Variants in ASPM observed in about 807,000 individuals in gnomAD.
The protein encoded by ASPM is assembly factor for spindle microtubules.
In ASPM, 256 loss-of-function variants were observed where a neutral mutation model predicts 366.4. The observed-to-expected ratio is 0.70, with a 90% CI of 0.63 to 0.77. ASPM has a LOEUF of 0.77. Ranked by LOEUF, ASPM falls within the 30% of genes least tolerant of loss-of-function variation. ASPM has a pLI of 0.00. For missense variants in ASPM, 4,146 were observed against 4,090.4 expected, an observed-to-expected ratio of 1.01 and a Z score of -0.37; for synonymous variants, 1,414 against 1,342.9, an observed-to-expected ratio of 1.05 and a Z score of -1.16.
intron 5 of ASPM, 134 bp from the exon 6 acceptor site, chr1:197,133,729 G>T: frequency 9.7e-7 from 1 of 1,033,122 alleles, no homozygotes; most frequent in Non-Finnish European, 1.4e-6. Context: ...TACTCCTTAG[G>T]CCAATCTATC....
chr1:197,117,753 T>G (rs1217491952), intron 17 of ASPM, 36 bp downstream of exon 17: 2 of 1,562,392 alleles, frequency 1.3e-6, no homozygotes, highest in Non-Finnish European at 1.7e-6. Flanking sequence ...GTCATTAAAA[T>G]TTTTTAAATT....
chr1:197,144,160 CT>C, intron 1 of ASPM, 60 bp from the exon 2 acceptor site: 2 of 1,206,344 alleles, frequency 1.7e-6, no homozygotes, highest in Non-Finnish European at 2.4e-6. Context: ...ACCAAAACAC[CT>C]TATATACAAC....
Position 197,124,967 on chromosome 1 carries a change from A to G in ASPM, c.3083-12T>C. Reference sequence around the variant, plus strand: ...TAGAATTGTATTTCCTATAAAAGAAAAGGTTGTCCATTAGCATAATGTACG... The same window carrying G: ...TAGAATTGTATTTCCTATAAAAGAAGAGGTTGTCCATTAGCATAATGTACG... On this transcript the variant is annotated splice_polypyrimidine_tract_variant and intron_variant, in intron 11 of 27. Coordinates refer to ENST00000367409, the MANE Select transcript of ASPM (RefSeq NM_018136.5). The G allele has an allele frequency of 5.0e-6, 8 of 1,608,632 alleles. No homozygotes were observed. The highest frequency in any genetic ancestry group is 6.8e-6 in the Non-Finnish European group (8 of 1,174,972).
intron 4 of ASPM, among the ~76,000 whole-genome samples, chr1:197,136,257 A>C (rs1354819782): frequency 1.3e-5 from 2 of 152,230 alleles, no homozygotes; most frequent in Admixed American, 6.5e-5. Context: ...CTTCAGGTTG[A>C]AATAAATGAA....
At position 197,103,975 on chromosome 1, in the gene ASPM, T is replaced by A; in HGVS notation, c.5276A>T (p.Gln1759Leu). The A allele has an allele frequency of 6.2e-7, 1 of 1,612,488 alleles. No individual in the cohort carries two copies. The highest frequency in any genetic ancestry group is 8.5e-7 in the Non-Finnish European group (1 of 1,179,344). ...RLQRKAVISL[Q>L]SYFRMRKARQ... Reference sequence around the variant, plus strand: ...AGCCTTTCTCATTCTGAAATAAGACTGTAGTGAAATAACAGCTTTTCTTTG... The same window carrying A: ...AGCCTTTCTCATTCTGAAATAAGACAGTAGTGAAATAACAGCTTTTCTTTG... The change falls in exon 18 of 28, where the codon CAG (glutamine) becomes CTG (leucine). Residue 1759 changes from glutamine to leucine, a missense_variant. Physicochemically the swap from Gln to Leu is moderately radical, Grantham distance 113 (BLOSUM62 -2). Transcript: ENST00000367409.
chr1:197,144,968 T>G (rs531979821), intron 1 of ASPM, among the ~76,000 whole-genome samples: 1 of 151,992 alleles, frequency 6.6e-6, no homozygotes, highest in Non-Finnish European at 1.5e-5. Context: ...AGTTCCACAT[T>G]ATAACAAAAA....
intron 22 of ASPM, 111 bp from the exon 23 acceptor site, chr1:197,091,152 A>T: frequency 3.0e-6 from 3 of 1,005,978 alleles, no homozygotes; most frequent in Non-Finnish European, 2.9e-6. Context: ...ATATCAAGAA[A>T]TCTTTCAGCT....
At position 197,104,763 on chromosome 1, in the gene ASPM, T is replaced by C. The variant is rs141695023; in HGVS notation, c.4488A>G (p.Lys1496=). ...TTTGGGCTTGAAAGCACCGAAATCT[T>C]TTCTGAATGATAACAACACAAGATC... ...YIRSCVVIIQ[K]RFRCFQAQKL... is the part of the protein sequence containing the mutation. The change falls in exon 18 of 28, where the codon AAA becomes AAG. Residue 1496 remains lysine (K), a synonymous_variant. Transcript: ENST00000367409. 32 of 1,599,180 alleles carry C rather than the reference T, an allele frequency of 2.0e-5. No homozygotes were observed. In the Middle Eastern group the frequency reaches 8.4e-4, roughly 42 times the overall value.
rs1487820382 is a variant in ASPM, at chr1:197,094,120, A to C, written c.9048T>G (p.Pro3016=). 1 of 1,606,234 alleles carries C rather than the reference A, an allele frequency of 6.2e-7. No homozygotes were observed. Residue 3016 remains proline, a synonymous_variant, in exon 20 of 28, where the codon CCT becomes CCG. Coordinates refer to ENST00000367409, the MANE Select transcript of ASPM (RefSeq NM_018136.5). ...IIQRKWRAIL[P]AKIAHEHFLM... is the part of the protein sequence containing the mutation. ...AGAAGTGTTCATGAGCTATCTTTGCAGGAAGTATAGCTCTCCATTTTCTCT... is the reference window on the plus strand; with the variant it reads ...AGAAGTGTTCATGAGCTATCTTTGCCGGAAGTATAGCTCTCCATTTTCTCT...
chr1:197,121,820 T>G, intron 16 of ASPM, 95 bp downstream of exon 16: 1 of 1,418,878 alleles, frequency 7.0e-7, no homozygotes, highest in Non-Finnish European at 9.9e-7. Context: ...AATAATGCCA[T>G]ACATCCATAA....
At chr1:197,126,085 C>T (rs572258124) in intron 10 of ASPM, among the ~76,000 whole-genome samples, 1 of 152,122 alleles carries the variant, frequency 6.6e-6, no homozygotes, top group South Asian at 2.1e-4. Flanking sequence ...AATTCCTAAC[C>T]GACTAAATAA....
intron 17 of ASPM, among the ~76,000 whole-genome samples, chr1:197,117,278 T>G (rs894535352): frequency 6.6e-6 from 1 of 151,906 alleles, no homozygotes; most frequent in African/African-American, 2.4e-5. Context: ...AAAAACTAAT[T>G]TACATAGATG....
intron 7 of ASPM, among the ~76,000 whole-genome samples, chr1:197,130,608 C>A (rs1180754488): frequency 6.6e-6 from 1 of 152,002 alleles, no homozygotes; most frequent in East Asian, 1.9e-4. Context: ...TTCTGCAACC[C>A]TACATTGACA....
At chr1:197,140,398 A>G (rs1029701561) in intron 3 of ASPM, among the ~76,000 whole-genome samples, 1 of 152,250 alleles carries the variant, frequency 6.6e-6, no homozygotes, top group Non-Finnish European at 1.5e-5. Context: ...GAGGAGTTCA[A>G]TAATATTCAA....
In ASPM at chr1:197,101,020, G is replaced by T. The variant is rs775277843; in HGVS notation, c.8231C>A (p.Thr2744Asn). The T allele has an allele frequency of 3.1e-6, 5 of 1,612,080 alleles. No individual in the cohort carries two copies. The highest frequency in any genetic ancestry group is 1.3e-5 in the African/African-American group (1 of 74,774). Residue 2744 changes from threonine (T) to asparagine (N), a missense_variant, in exon 18 of 28, where the codon ACT becomes AAT. Physicochemically the swap from Thr to Asn is moderately conservative, Grantham distance 65. Transcript: ENST00000367409. ...NFLAVQKSVRTIQAAFRGMKV... is the reference protein window; with the variant it reads ...NFLAVQKSVRNIQAAFRGMKV... Reference sequence around the variant, plus strand: ...CATGCCTCTAAAAGCAGCCTGAATAGTTCGTACAGATTTCTGAACTGCTAA... The same window carrying T: ...CATGCCTCTAAAAGCAGCCTGAATATTTCGTACAGATTTCTGAACTGCTAA...
chr1:197,118,296 T>A (rs1489841740), intron 16 of ASPM, among the ~76,000 whole-genome samples: 1 of 152,130 alleles, frequency 6.6e-6, no homozygotes, highest in Non-Finnish European at 1.5e-5. Context: ...TAATGTGGTA[T>A]GTTTCTCAGA....
At position 197,146,216 on chromosome 1, in the gene ASPM, C is replaced by G. The variant is rs1397145928; in HGVS notation, c.222G>C (p.Val74=). 1 of 1,613,974 alleles carries G rather than the reference C, an allele frequency of 6.2e-7. No homozygotes were observed. Among genetic ancestry groups the G allele is most frequent in the Non-Finnish European group, 8.5e-7 (1 of 1,180,028 alleles). Residue 74 remains valine (V), a synonymous_variant, in exon 1 of 28, where the codon GTG becomes GTC. Transcript: ENST00000367409. The part of the protein sequence containing the change: ...SLALDNPNEE[V]AEVKISHFPA... ...GGAAGTGGGAGATCTTCACTTCTGC[C>G]ACCTCCTCGTTAGGGTTGTCTAGGG...
intron 17 of ASPM, among the ~76,000 whole-genome samples, chr1:197,109,647 A>G (rs1657526870): frequency 1.3e-5 from 2 of 152,070 alleles, no homozygotes; most frequent in Admixed American, 1.3e-4. Flanking sequence ...TAGAAAGAAT[A>G]TTTAGATTGG....
rs116644096 is a variant in ASPM at position 197,131,883 on chromosome 1, C to A, written c.2487+402G>T. 7.3e-3 allele frequency among the ~76,000 whole-genome samples: 1,108 copies of A among 152,180 alleles called. 13 individuals are homozygous for A. The highest frequency in any genetic ancestry group is 0.025 in the African/African-American group (1,053 of 41,514). On this transcript the variant is annotated intron_variant, in intron 7 of 27. Transcript: ENST00000367409. ...AGGGCAAGTCACTTTAACATCTAAG[C>A]TTCTGTTTCGTTAGTGAAGTGGAAA...
Sources: allele counts gnomAD v4.1 joint callset (sites outside exome capture counted in the v4.1 genomes callset), GRCh38; gene constraint gnomAD v4.1.1; transcripts MANE v1.5; gene names NCBI Gene and HGNC (gene_info 2026-07-23, HGNC 2026-07-21).